Variants in DGKB observed in about 807,000 individuals in gnomAD.
DGKB encodes diacylglycerol kinase beta, also known as 90 kDa diacylglycerol kinase.
Under a neutral mutation model 114.3 loss-of-function variants are expected in DGKB, and 67 were observed. The ratio of observed to expected loss-of-function variants is 0.59; its 90% CI spans 0.48 to 0.72. The LOEUF (loss-of-function observed/expected upper bound fraction) is 0.72. Ranked by LOEUF, DGKB falls within the 30% of genes least tolerant of loss-of-function variation. DGKB has a pLI of 0.00. For missense variants in DGKB, 907 were observed against 975.2 expected (o/e 0.93, Z 0.93); for synonymous variants, 398 against 323.1 (o/e 1.23, Z -2.49).
rs117608221 is a variant in DGKB at position 14,914,445 on chromosome 7, G to A, written c.-188+60251C>T. Among the ~76,000 whole-genome samples, 417 of 152,074 alleles carry A rather than the reference G, an allele frequency of 2.7e-3. 7 individuals carry two copies. Among genetic ancestry groups the A allele is most frequent in the Non-Finnish European group, 1.6e-3 (106 of 67,964 alleles). On this transcript the variant is annotated intron_variant, in intron 1 of 4. Coordinates refer to the DGKB transcript ENST00000437998. ...TCTTTGGGAAACCCAATAACAAAACGAAAGAAAATGAATCTAGGAGAAACT... is the reference window on the plus strand; with the variant it reads ...TCTTTGGGAAACCCAATAACAAAACAAAAGAAAATGAATCTAGGAGAAACT...
intron 1 of DGKB, among the ~76,000 whole-genome samples, chr7:14,971,198 AT>A (rs1353308863): frequency 6.6e-6 from 1 of 152,128 alleles, no homozygotes; most frequent in Non-Finnish European, 1.5e-5. Flanking sequence ...TTTCTGACAG[AT>A]GGTGATAGCA....
chr7:14,215,688 G>T (rs745702186), intron 23 of DGKB, among the ~76,000 whole-genome samples: 1 of 151,952 alleles, frequency 6.6e-6, no homozygotes, highest in Non-Finnish European at 1.5e-5. Flanking sequence ...ATTAATTCAT[G>T]GTTGAGGTAG....
intron 2 of DGKB, among the ~76,000 whole-genome samples, chr7:14,792,992 G>A (rs1840893851): frequency 6.6e-6 from 1 of 152,052 alleles, no homozygotes; most frequent in African/African-American, 2.4e-5. Flanking sequence ...AAAAACACAG[G>A]TATGTGAAGA....
At position 14,377,120 on chromosome 7, in the gene DGKB, C is replaced by T. The variant is rs577813115; in HGVS notation, c.1836-31729G>A. ...CCATGAGAACCCCTAAATTTGAGAC[C>T]GTTTTGTGTCAGGATATTCTGAGCT... On this transcript the variant is annotated intron_variant, in intron 21 of 25. Transcript: ENST00000402815. Among the ~76,000 whole-genome samples the T allele has an allele frequency of 5.9e-5, 9 of 152,202 alleles. No homozygotes were observed. The East Asian group carries it at 7.7e-4, about 13-fold the overall frequency.
chr7:14,639,105 G>A (rs528612037), intron 13 of DGKB, among the ~76,000 whole-genome samples: 2 of 152,068 alleles, frequency 1.3e-5, no homozygotes, highest in Non-Finnish European at 2.9e-5. Context: ...CGATCTAGAT[G>A]TATGTGGGGA....
chr7:14,461,321 TG>T (rs1234397647), intron 21 of DGKB, among the ~76,000 whole-genome samples: 1 of 119,770 alleles, frequency 8.3e-6, no homozygotes, highest in Non-Finnish European at 1.8e-5. Flanking sequence ...ATCCAGGAGC[TG>T]TTTTTTTTTT....
chr7:14,884,618 A>G (rs1013492160), intron 1 of DGKB, among the ~76,000 whole-genome samples: 1 of 151,960 alleles, frequency 6.6e-6, no homozygotes, highest in East Asian at 1.9e-4. Flanking sequence ...AAATCCTGAC[A>G]AAAACATCCC....
chr7:14,499,233 G>T (rs1236150941), intron 20 of DGKB, among the ~76,000 whole-genome samples: 5 of 151,508 alleles, frequency 3.3e-5, no homozygotes, highest in Non-Finnish European at 7.4e-5. Context: ...ACTGCTTTTT[G>T]CCCAGAAAGA....
intron 13 of DGKB, among the ~76,000 whole-genome samples, chr7:14,650,770 A>G (rs1385862735): frequency 6.9e-6 from 1 of 143,994 alleles, no homozygotes; most frequent in Non-Finnish European, 1.5e-5. Flanking sequence ...AAAGAAAAAA[A>G]GAGAGAAGGA....
At chr7:14,448,801 C>G (rs142288972) in intron 21 of DGKB, among the ~76,000 whole-genome samples, 12 of 152,168 alleles carry the variant, frequency 7.9e-5, no homozygotes, top group Non-Finnish European at 1.6e-4. Flanking sequence ...CCAGACAAGT[C>G]TGTTTCAAAT....
chr7:14,915,004 G>C (rs1013434899), intron 1 of DGKB, among the ~76,000 whole-genome samples: 1 of 152,056 alleles, frequency 6.6e-6, no homozygotes, highest in East Asian at 1.9e-4. Flanking sequence ...AATTTAAAAA[G>C]TATAACAGAC....
chr7:14,620,683 GAAGT>G (rs1052461874), intron 15 of DGKB, among the ~76,000 whole-genome samples: 4 of 151,548 alleles, frequency 2.6e-5, no homozygotes, highest in East Asian at 3.9e-4. Flanking sequence ...TTTTTCTGTT[GAAGT>G]AAGAAACACA....
chr7:14,523,590 G>A (rs1049913502), intron 20 of DGKB, among the ~76,000 whole-genome samples: 1 of 151,994 alleles, frequency 6.6e-6, no homozygotes, highest in Non-Finnish European at 1.5e-5. Flanking sequence ...CTTTTATATT[G>A]TAACATAATC....
At chr7:14,904,719 T>C (rs1160887012), upstream of DGKB, among the ~76,000 whole-genome samples, 1 of 152,172 alleles carries the variant, frequency 6.6e-6, no homozygotes, top group Non-Finnish European at 1.5e-5. Context: ...AACGTCAAAA[T>C]TCTAATTAAA....
chr7:14,714,066 T>A (rs1827794007), intron 6 of DGKB, among the ~76,000 whole-genome samples: 1 of 128,924 alleles, frequency 7.8e-6, no homozygotes, highest in African/African-American at 3.1e-5. Context: ...ATTGAGCATA[T>A]ACCTGTTGAA....
At chr7:14,567,396 T>A (rs1456225090) in intron 20 of DGKB, among the ~76,000 whole-genome samples, 14 of 38,642 alleles carry the variant, frequency 3.6e-4, no homozygotes, top group African/African-American at 1.4e-3. Context: ...ATATATATAA[T>A]TATATTATAT....
At chr7:14,214,802 G>C (rs1214511857) in intron 23 of DGKB, among the ~76,000 whole-genome samples, 3 of 152,106 alleles carry the variant, frequency 2.0e-5, no homozygotes, top group African/African-American at 7.2e-5. Context: ...CAGCTTCTTT[G>C]TCATCACCTA....
intron 22 of DGKB, among the ~76,000 whole-genome samples, chr7:14,340,402 G>A (rs190104958): frequency 2.0e-5 from 3 of 151,590 alleles, no homozygotes; most frequent in East Asian, 3.9e-4. Flanking sequence ...CAAGTGGAAT[G>A]TACTGGCTGG....
At position 14,255,613 on chromosome 7, in the gene DGKB, C is replaced by T. The variant is rs76321265; in HGVS notation, c.2123-77462G>A. Among the ~76,000 whole-genome samples the T allele has an allele frequency of 4.4e-3, 671 of 152,168 alleles. 3 individuals carry two copies. The highest frequency in any genetic ancestry group is 0.014 in the East Asian group (71 of 5,178). ...ATAATGCCCTTGCTAAAGACTTTCA[C>T]GTGTAAAAAATAATATAATGCATAC... On this transcript the variant is annotated intron_variant, in intron 23 of 25. Transcript: ENST00000402815.
Sources: gnomAD v4.1 joint callset for allele counts (sites outside exome capture counted in the v4.1 genomes callset) on GRCh38, gnomAD v4.1.1 for gene constraint, MANE v1.5 for transcripts, NCBI Gene and HGNC (gene_info 2026-07-23, HGNC 2026-07-21) for gene names.